The following NKAIN2 variants were observed in gnomAD, a reference collection of about 807,000 sequenced individuals.
NKAIN2 encodes the protein sodium/potassium transporting ATPase interacting 2, also known as sodium/potassium-transporting ATPase subunit beta-1-interacting protein 2.
A neutral mutation model predicts 32.6 loss-of-function variants in NKAIN2; 14 were observed. The observed-to-expected ratio is 0.43, with a 90% CI of 0.28 to 0.67. The LOEUF (loss-of-function observed/expected upper bound fraction) is 0.67, where lower values mean the gene tolerates loss of function less well. Ranked by LOEUF, NKAIN2 falls within the 30% of genes least tolerant of loss-of-function variation. The probability of loss-of-function intolerance (pLI) is 0.17; values close to 1 mark genes in which losing one functional copy is unlikely to be tolerated. For missense variants in NKAIN2, 198 were observed against 258.3 expected, an observed-to-expected ratio of 0.77 and a Z score of 1.60; for synonymous variants, 80 against 87.2, an observed-to-expected ratio of 0.92 and a Z score of 0.46.
At chr6:124,664,457 A>G (rs1398613672) in intron 4 of NKAIN2, among the ~76,000 whole-genome samples, 3 of 152,110 alleles carry the variant, frequency 2.0e-5, no homozygotes, top group African/African-American at 4.8e-5. Context: ...AATCAAATTT[A>G]AGCTTATACA....
intron 4 of NKAIN2, among the ~76,000 whole-genome samples, chr6:124,767,187 C>G (rs896725155): frequency 2.6e-5 from 4 of 152,050 alleles, no homozygotes; most frequent in African/African-American, 9.7e-5. Context: ...AGCCACCGCG[C>G]CCGGCCCTAT....
intron 3 of NKAIN2, among the ~76,000 whole-genome samples, chr6:124,425,699 A>T (rs1479951254): frequency 4.6e-5 from 7 of 152,138 alleles, no homozygotes; most frequent in Non-Finnish European, 1.0e-4. Flanking sequence ...AGGTATGTGA[A>T]AAAGTGTTCA....
At chr6:123,899,418 A>AT (rs963536902) in intron 1 of NKAIN2, among the ~76,000 whole-genome samples, 3 of 149,842 alleles carry the variant, frequency 2.0e-5, no homozygotes, top group African/African-American at 7.4e-5. Context: ...TCCTCCCTCT[A>AT]TTTTTTTCTT....
chr6:124,782,716 C>G (rs73571619), intron 4 of NKAIN2, among the ~76,000 whole-genome samples: 14 of 152,086 alleles, frequency 9.2e-5, no homozygotes, highest in African/African-American at 2.9e-4. Flanking sequence ...CCATTTGCTC[C>G]CCAAAGAGCT....
rs191359926 is a variant in NKAIN2 at position 123,943,086 on chromosome 6, G to A, written c.54+138832G>A. 2.0e-5 allele frequency among the ~76,000 whole-genome samples: 3 copies of A among 152,070 alleles called. No homozygotes were observed. The East Asian group carries it at 5.8e-4, about 29-fold the overall frequency. ...GTTTTAATTCAAATGCATTTACGTT[G>A]ATAGTTTTAATAATTACACGTTTCT... On this transcript the variant is annotated intron_variant, in intron 1 of 6. Coordinates refer to ENST00000368417, the MANE Select transcript of NKAIN2 (RefSeq NM_001040214.3).
chr6:124,704,825 G>A (rs1774972593), intron 4 of NKAIN2, among the ~76,000 whole-genome samples: 1 of 151,812 alleles, frequency 6.6e-6, no homozygotes, highest in Non-Finnish European at 1.5e-5. Context: ...TAACTTCCTG[G>A]TGATTTTACC....
intron 2 of NKAIN2, among the ~76,000 whole-genome samples, chr6:124,319,763 A>G (rs940484349): frequency 1.3e-5 from 2 of 152,122 alleles, no homozygotes; most frequent in Non-Finnish European, 2.9e-5. Flanking sequence ...GCATCAGGAT[A>G]TAAGGGCAGA....
chr6:124,078,272 TTCA>T (rs1783790885), intron 1 of NKAIN2, among the ~76,000 whole-genome samples: 2 of 151,984 alleles, frequency 1.3e-5, no homozygotes, highest in African/African-American at 4.8e-5. Flanking sequence ...GTTGTTGCTT[TTCA>T]TCAAGATTTG....
At chr6:124,601,751 T>C (rs1238654524) in intron 3 of NKAIN2, among the ~76,000 whole-genome samples, 2 of 152,002 alleles carry the variant, frequency 1.3e-5, no homozygotes, top group East Asian at 3.9e-4. Context: ...ACAACAAATA[T>C]GTAGGAAAAA....
At chr6:124,406,013 G>GGTGTGT (rs59361002) in intron 3 of NKAIN2, among the ~76,000 whole-genome samples, 5 of 148,460 alleles carry the variant, frequency 3.4e-5, no homozygotes, top group East Asian at 2.0e-4. Flanking sequence ...TTACCACCAC[G>GGTGTGT]GTGTGTGTGT....
chr6:124,333,732 A>C (rs986763496), intron 2 of NKAIN2, among the ~76,000 whole-genome samples: 18 of 152,130 alleles, frequency 1.2e-4, no homozygotes, highest in African/African-American at 3.1e-4. Context: ...GCAGATTTTC[A>C]AGAACACACT....
At chr6:124,665,287 T>C (rs768888704) in intron 4 of NKAIN2, among the ~76,000 whole-genome samples, 1 of 152,168 alleles carries the variant, frequency 6.6e-6, no homozygotes, top group Non-Finnish European at 1.5e-5. Context: ...ATTGAAACAG[T>C]ATGGTATTGG....
At chr6:124,102,396 T>G (rs1474432795) in intron 1 of NKAIN2, among the ~76,000 whole-genome samples, 3 of 152,176 alleles carry the variant, frequency 2.0e-5, no homozygotes, top group African/African-American at 7.2e-5. Flanking sequence ...TTTCAGCAAG[T>G]GTTAACTTAT....
At chr6:123,907,261 A>G (rs1774926315) in intron 1 of NKAIN2, among the ~76,000 whole-genome samples, 1 of 152,214 alleles carries the variant, frequency 6.6e-6, no homozygotes, top group African/African-American at 2.4e-5. Flanking sequence ...CAGTGAACCA[A>G]GTTTTCCTAT....
chr6:124,364,245 A>G (rs1225170921), intron 3 of NKAIN2, among the ~76,000 whole-genome samples: 1 of 80,694 alleles, frequency 1.2e-5, no homozygotes, highest in Non-Finnish European at 2.7e-5. Context: ...ACCAAAAAAA[A>G]AAAAAAGAGA....
At chr6:124,039,092 G>A (rs1308220136) in intron 1 of NKAIN2, among the ~76,000 whole-genome samples, 1 of 151,974 alleles carries the variant, frequency 6.6e-6, no homozygotes, top group East Asian at 1.9e-4. Context: ...TTTAAAAAAA[G>A]TTTTATAGTA....
At chr6:124,200,828 T>A (rs1382715838) in intron 1 of NKAIN2, among the ~76,000 whole-genome samples, 1 of 152,098 alleles carries the variant, frequency 6.6e-6, no homozygotes, top group Non-Finnish European at 1.5e-5. Context: ...CAATATGTGC[T>A]GCATATAAAT....
intron 1 of NKAIN2, among the ~76,000 whole-genome samples, chr6:124,200,702 A>G (rs941563466): frequency 2.6e-5 from 4 of 152,052 alleles, no homozygotes; most frequent in Non-Finnish European, 4.4e-5. Context: ...AAGCTTGTCC[A>G]ATTATTTGAG....
chr6:123,978,855 T>G (rs1401822217), intron 1 of NKAIN2, among the ~76,000 whole-genome samples: 1 of 152,210 alleles, frequency 6.6e-6, no homozygotes, highest in African/African-American at 2.4e-5. Flanking sequence ...TAAATAGTTA[T>G]GGACTGACTA....
Sources: allele counts gnomAD v4.1 joint callset (sites outside exome capture counted in the v4.1 genomes callset), GRCh38; gene constraint gnomAD v4.1.1; transcripts MANE v1.5; gene names NCBI Gene and HGNC (gene_info 2026-07-23, HGNC 2026-07-21).